The following TRIM64C variants were observed in gnomAD, a reference collection of about 807,000 sequenced individuals.
TRIM64C encodes tripartite motif-containing protein 64C.
A neutral mutation model predicts 36.1 loss-of-function variants in TRIM64C; 25 were observed. That is an observed-to-expected ratio of 0.69 (90% CI 0.51 to 0.97). The LOEUF (loss-of-function observed/expected upper bound fraction) is 0.97. Among genes scored for constraint, TRIM64C ranks in the 50% least tolerant of loss-of-function variants. The pLI, the probability that TRIM64C is intolerant of heterozygous loss-of-function variation, is 0.00. For missense variants in TRIM64C, 489 were observed against 536.8 expected (o/e 0.91, Z 0.88); for synonymous variants, 212 against 185.7 (o/e 1.14, Z -1.15).
chr11:49,054,491 T>C (rs1339569404), intron 5 of TRIM64C, among the ~76,000 whole-genome samples: 3 of 152,234 alleles, frequency 2.0e-5, no homozygotes, highest in Non-Finnish European at 4.4e-5. Flanking sequence ...ATATCTAAAA[T>C]GTTTTTTTTC....
At chr11:49,057,067 T>G in intron 3 of TRIM64C, 81 bp downstream of exon 3, 1 of 1,483,706 alleles carries the variant, frequency 6.7e-7, no homozygotes, top group Non-Finnish European at 9.2e-7. Context: ...AGCAGTGACA[T>G]ATGCTGATGA....
rs1353716241 is a variant in TRIM64C, at chr11:49,057,369, A to G, written c.517T>C (p.Ser173Pro). 6.5e-7 allele frequency: 1 copy of G among 1,549,684 alleles called. No individual in the cohort carries two copies. The highest frequency in any genetic ancestry group is 1.2e-5 in the South Asian group (1 of 83,962). Reference sequence around the variant, plus strand: ...ATAGTGATTATCACCTTCCTTAATGACACATAGTCCTGCAGAGACGTTTGG... The same window carrying G: ...ATAGTGATTATCACCTTCCTTAATGGCACATAGTCCTGCAGAGACGTTTGG... Reference protein sequence around the residue: ...SKFCSLVDYVSLRKVIITIQY... With the variant: ...SKFCSLVDYVPLRKVIITIQY... The change falls in exon 3 of 6, where the codon TCA (serine) becomes CCA (proline). Residue 173 changes from serine (S) to proline (P), a missense_variant. By Grantham distance (74) the Ser-to-Pro change is moderately conservative. Transcript: ENST00000617704.
In TRIM64C at chr11:49,058,837, A is replaced by G; in HGVS notation, c.276T>C (p.Cys92=). Residue 92 remains cysteine, a synonymous_variant, in exon 1 of 6, where the codon TGT becomes TGC. Coordinates refer to ENST00000617704, the MANE Select transcript of TRIM64C (RefSeq NM_001206631.1). ...PQNINSSDNI[C]VLHEETKELF... is the part of the protein sequence containing the mutation. ...GCTCCTTAGTCTCCTCATGGAGCACACAGATATTGTCTGAGCTGTTGATGT... is the reference window on the plus strand; with the variant it reads ...GCTCCTTAGTCTCCTCATGGAGCACGCAGATATTGTCTGAGCTGTTGATGT... 1 of 1,549,426 alleles carries G rather than the reference A, an allele frequency of 6.5e-7. No homozygotes were observed. Among genetic ancestry groups the G allele is most frequent in the Non-Finnish European group, 8.7e-7 (1 of 1,146,884 alleles).
intron 2 of TRIM64C, 93 bp downstream of exon 2, chr11:49,057,985 A>G (rs1158261445): frequency 1.1e-5 from 9 of 837,154 alleles, no homozygotes; most frequent in South Asian, 1.6e-5. Context: ...TGAAATCACT[A>G]TCTTTTAACT....
intron 5 of TRIM64C, among the ~76,000 whole-genome samples, chr11:49,054,409 A>G (rs1854789673): frequency 1.3e-5 from 2 of 152,248 alleles, no homozygotes; most frequent in South Asian, 4.1e-4. Flanking sequence ...TAAATAATAG[A>G]GAAAAAATGT....
At chr11:49,056,482 A>G in intron 3 of TRIM64C, 101 bp from the exon 4 acceptor site, 2 of 944,752 alleles carry the variant, frequency 2.1e-6, no homozygotes, top group Admixed American at 2.2e-5. Flanking sequence ...TTAATAATGT[A>G]TATCTTTTTA....
chr11:49,057,074 A>G, intron 3 of TRIM64C, 74 bp downstream of exon 3: 1 of 1,519,310 alleles, frequency 6.6e-7, no homozygotes, highest in Non-Finnish European at 8.9e-7. Context: ...ACATATGCTG[A>G]TGACATTTGC....
rs1854852549 is a variant in TRIM64C at position 49,059,090 on chromosome 11, A to G, written c.23T>C (p.Val8Ala). The change falls in exon 1 of 6, where the codon GTC becomes GCC. Residue 8 changes from valine (V) to alanine (A), a missense_variant. Transcript: ENST00000617704. Reference sequence around the variant, plus strand: ...GCAGCAAATGAGCTCATTCTGGAAGACTCGCAGGGTGTCTGAATCCATGTT... The same window carrying G: ...GCAGCAAATGAGCTCATTCTGGAAGGCTCGCAGGGTGTCTGAATCCATGTT... MDSDTLR[V>A]FQNELICCIC... The G allele has an allele frequency of 1.3e-6, 2 of 1,550,238 alleles. No homozygotes were observed. The highest frequency in any genetic ancestry group is 2.0e-5 in the Admixed American group (1 of 50,782).
chr11:49,054,541 TAATC>T (rs1223290164), intron 5 of TRIM64C, among the ~76,000 whole-genome samples: 3 of 152,356 alleles, frequency 2.0e-5, no homozygotes, highest in South Asian at 2.1e-4. Flanking sequence ...GTCTTTAAGA[TAATC>T]AACAGGTAGA....
Position 49,053,759 on chromosome 11 carries a change from G to A in TRIM64C, c.1308C>T (p.Ser436=). 1.3e-6 allele frequency: 2 copies of A among 1,550,170 alleles called. No individual in the cohort carries two copies. Among genetic ancestry groups the A allele is most frequent in the South Asian group, 2.4e-5 (2 of 84,006 alleles). The change falls in exon 6 of 6, where the codon TCC becomes TCT. Residue 436 remains serine, a synonymous_variant. Coordinates refer to ENST00000617704, the MANE Select transcript of TRIM64C (RefSeq NM_001206631.1). The part of the protein sequence containing the change: ...GSLIYGFPPS[S]FSSPLRPFFC... ...AGAAAGGCCTCAGAGGGGAAGAGAA[G>A]GAGGAAGGAGGAAAACCATAGATAA...
intron 2 of TRIM64C, chr11:49,057,748 T>C: frequency 2.1e-6 from 1 of 485,710 alleles, no homozygotes; most frequent in Non-Finnish European, 3.9e-6. Context: ...TTACTATATT[T>C]TTACTCTATA....
chr11:49,058,849 T>C lies in TRIM64C; in HGVS notation c.264A>G (p.Ser88=). The change falls in exon 1 of 6, where the codon TCA becomes TCG. Residue 88 remains serine, a synonymous_variant. Coordinates refer to ENST00000617704, the MANE Select transcript of TRIM64C (RefSeq NM_001206631.1). ...RQTRPQNINS[S]DNICVLHEET... ...CCTCATGGAGCACACAGATATTGTC[T>C]GAGCTGTTGATGTTCTGAGGTCTGG... 1 of 1,549,566 alleles carries C rather than the reference T, an allele frequency of 6.5e-7. No individual in the cohort carries two copies. Among genetic ancestry groups the C allele is most frequent in the South Asian group, 1.2e-5 (1 of 83,968 alleles).
Position 49,059,070 on chromosome 11 carries a change from A to G in TRIM64C, c.43T>C (p.Cys15Arg), listed in dbSNP as rs1353589112. 6.4e-7 allele frequency: 1 copy of G among 1,552,364 alleles called. No individual in the cohort carries two copies. Among genetic ancestry groups the G allele is most frequent in the East Asian group, 2.4e-5 (1 of 41,074 alleles). ...ATGAAGTAGTTCACGCAAATGCAGC[A>G]AATGAGCTCATTCTGGAAGACTCGC... ...TLRVFQNELI[C>R]CICVNYFIDP... Residue 15 changes from cysteine to arginine, a missense_variant, in exon 1 of 6, where the codon TGC (cysteine) becomes CGC (arginine). By Grantham distance (180) the Cys-to-Arg change is radical. Coordinates refer to ENST00000617704, the MANE Select transcript of TRIM64C (RefSeq NM_001206631.1).
At position 49,056,111 on chromosome 11, in the gene TRIM64C, C is replaced by T. The variant is rs868125924; in HGVS notation, c.761+248G>A. Among the ~76,000 whole-genome samples, 82 of 151,386 alleles carry T rather than the reference C, an allele frequency of 5.4e-4. 2 individuals carry two copies. The highest frequency in any genetic ancestry group is 1.9e-3 in the African/African-American group (78 of 41,044). ...TTGTATTAAGATCTCTGGGGTAGGG[C>T]TGGACAGGAAGGATGGATTAGGAGA... On this transcript the variant is annotated intron_variant, in intron 4 of 5. Transcript: ENST00000617704.
intron 4 of TRIM64C, among the ~76,000 whole-genome samples, chr11:49,055,930 G>T (rs368656836): frequency 1.3e-5 from 2 of 152,202 alleles, no homozygotes; most frequent in East Asian, 1.9e-4. Context: ...TGGGTGTATG[G>T]TGATGGAGCA....
intron 2 of TRIM64C, 126 bp downstream of exon 2, chr11:49,057,952 G>T: frequency 1.5e-6 from 1 of 659,918 alleles, no homozygotes; most frequent in Non-Finnish European, 2.5e-6. Context: ...TATATCAATT[G>T]AAATCACTAC....
In TRIM64C at chr11:49,055,359, G is replaced by C. The variant is rs1430211184; in HGVS notation, c.810C>G (p.Leu270=). 4 of 1,535,872 alleles carry C rather than the reference G, an allele frequency of 2.6e-6. No homozygotes were observed. Among genetic ancestry groups the C allele is most frequent in the Non-Finnish European group, 3.5e-6 (4 of 1,146,824 alleles). ...MPKPQPVNPE[L]TSWCITGVLD... ...GGACTCCAGTTATGCACCATGAAGT[G>C]AGCTCTGGGTTCACTGGCTGGGGCT... The change falls in exon 5 of 6, where the codon CTC becomes CTG. Residue 270 remains leucine, a synonymous_variant. Transcript: ENST00000617704.
intron 1 of TRIM64C, 134 bp downstream of exon 1, chr11:49,058,567 C>T: frequency 2.1e-6 from 3 of 1,462,074 alleles, no homozygotes; most frequent in Non-Finnish European, 2.7e-6. Context: ...ATTGAAAGGA[C>T]ACATTTATGT....
At chr11:49,054,235 G>A in intron 5 of TRIM64C, 28 bp from the exon 6 acceptor site, 1 of 1,541,712 alleles carries the variant, frequency 6.5e-7, no homozygotes, top group Admixed American at 2.0e-5. Flanking sequence ...TTATATTAGT[G>A]AGTGCTATGA....
Sources: allele counts gnomAD v4.1 joint callset (sites outside exome capture counted in the v4.1 genomes callset), GRCh38; gene constraint gnomAD v4.1.1; transcripts MANE v1.5; gene names NCBI Gene and HGNC (gene_info 2026-07-23, HGNC 2026-07-21).